The following WDPCP variants were observed in gnomAD, a reference collection of about 807,000 sequenced individuals.
WDPCP encodes the protein WD repeat containing planar cell polarity effector.
In WDPCP, 71 loss-of-function variants were observed where a neutral mutation model predicts 93.1. The ratio of observed to expected loss-of-function variants is 0.76; its 90% CI spans 0.63 to 0.93. The LOEUF (loss-of-function observed/expected upper bound fraction) is 0.93. WDPCP is among the 40% of genes least tolerant of loss of function. The probability of loss-of-function intolerance (pLI) is 0.00; values close to 1 mark genes in which losing one functional copy is unlikely to be tolerated. For synonymous variants in WDPCP, 315 were observed against 315.0 expected, an observed-to-expected ratio of 1.00 and a Z score of 0.00; for missense variants, 844 against 887.4, an observed-to-expected ratio of 0.95 and a Z score of 0.62.
intron 12 of WDPCP, among the ~76,000 whole-genome samples, chr2:63,342,395 G>C (rs983914901): frequency 6.6e-6 from 1 of 152,162 alleles, no homozygotes; most frequent in Admixed American, 6.6e-5. Context: ...TGATAAGAAA[G>C]TACATCTACC....
chr2:63,469,242 T>C (rs974627981), intron 6 of WDPCP, among the ~76,000 whole-genome samples: 2 of 152,168 alleles, frequency 1.3e-5, no homozygotes, highest in African/African-American at 4.8e-5. Flanking sequence ...TTATACACTG[T>C]TGGTGGGGGT....
In WDPCP at chr2:63,120,584, T is replaced by C. The variant is rs1400906965; in HGVS notation, c.*1422A>G. Among the ~76,000 whole-genome samples, 2 of 149,312 alleles carry C rather than the reference T, an allele frequency of 1.3e-5. No homozygotes were observed. The highest frequency in any genetic ancestry group is 4.9e-5 in the African/African-American group (2 of 40,518). ...CTTTGTCACCCAGGCTGGAGCGTAA[T>C]GGTGCGACCTCAGCTCACTGCAGCC... On this transcript the variant is annotated 3_prime_UTR_variant, in exon 18 of 18. Coordinates refer to ENST00000272321, the MANE Select transcript of WDPCP (RefSeq NM_015910.7).
chr2:63,676,020 T>C (rs79414325), intron 2 of WDPCP, among the ~76,000 whole-genome samples: 1,781 of 152,338 alleles, frequency 0.012, 14 homozygotes, highest in Non-Finnish European at 0.014. Flanking sequence ...GGACTAATCT[T>C]TTTTACTTTT....
intron 3 of WDPCP, chr2:63,598,040 T>C (rs1411820535): frequency 2.0e-5 from 3 of 152,294 alleles, no homozygotes. Context: ...TGAGTCAGTA[T>C]GACTTATAGT....
chr2:63,623,804 C>T (rs1709776631), intron 3 of WDPCP, among the ~76,000 whole-genome samples: 1 of 152,156 alleles, frequency 6.6e-6, no homozygotes, highest in South Asian at 2.1e-4. Flanking sequence ...CAAGGATATT[C>T]AGGACTTGAA....
intron 3 of WDPCP, among the ~76,000 whole-genome samples, chr2:63,641,318 C>A (rs1709978029): frequency 6.6e-6 from 1 of 152,092 alleles, no homozygotes; most frequent in Non-Finnish European, 1.5e-5. Flanking sequence ...GATTTCCTTT[C>A]TTTTGAGTAT....
chr2:63,829,367 A>G (rs1007087893), upstream of WDPCP, among the ~76,000 whole-genome samples: 1 of 152,106 alleles, frequency 6.6e-6, no homozygotes, highest in Admixed American at 6.5e-5. Context: ...AACTGTTTTT[A>G]GCTCTTCTGA....
intron 2 of WDPCP, among the ~76,000 whole-genome samples, chr2:63,797,867 C>T (rs1670638913): frequency 6.6e-6 from 1 of 151,982 alleles, no homozygotes; most frequent in Non-Finnish European, 1.5e-5. Context: ...GGAAGACTAG[C>T]TCAAGGCATT....
At chr2:63,310,729 C>A (rs1422353063) in intron 13 of WDPCP, among the ~76,000 whole-genome samples, 1 of 152,108 alleles carries the variant, frequency 6.6e-6, no homozygotes, top group Non-Finnish European at 1.5e-5. Context: ...CATGGTGGCA[C>A]ATGCCTGTAG....
At chr2:63,585,587 A>G (rs948729738) in intron 1 of WDPCP, among the ~76,000 whole-genome samples, 14 of 152,138 alleles carry the variant, frequency 9.2e-5, no homozygotes, top group African/African-American at 3.4e-4. Flanking sequence ...GGTAAAGTAC[A>G]TATTTCTAAA....
intron 1 of WDPCP, among the ~76,000 whole-genome samples, chr2:63,546,562 G>A (rs1705166685): frequency 6.6e-6 from 1 of 152,160 alleles, no homozygotes; most frequent in African/African-American, 2.4e-5. Context: ...TACAGTTACA[G>A]TCCAAATTAT....
intron 17 of WDPCP, among the ~76,000 whole-genome samples, chr2:63,140,812 C>T (rs1671007338): frequency 1.3e-5 from 2 of 152,130 alleles, no homozygotes; most frequent in South Asian, 4.1e-4. Context: ...ATTTCTTTCT[C>T]TTGTCTGATT....
chr2:63,170,750 T>C (rs938440600), intron 15 of WDPCP, among the ~76,000 whole-genome samples: 1 of 152,210 alleles, frequency 6.6e-6, no homozygotes. Context: ...TATGAAACTG[T>C]TCATCTTTTT....
At chr2:63,289,697 T>A (rs1201024487) in intron 13 of WDPCP, among the ~76,000 whole-genome samples, 1 of 152,058 alleles carries the variant, frequency 6.6e-6, no homozygotes, top group Non-Finnish European at 1.5e-5. Context: ...ACATATTTTA[T>A]ATATTCATGA....
chr2:63,654,492 T>C (rs1710142550), intron 2 of WDPCP, among the ~76,000 whole-genome samples: 2 of 152,254 alleles, frequency 1.3e-5, no homozygotes, highest in South Asian at 2.1e-4. Context: ...TGTTGCTGAA[T>C]ATTTGGATGC....
intron 10 of WDPCP, among the ~76,000 whole-genome samples, chr2:63,389,784 CAA>C (rs1693064171): frequency 6.6e-6 from 1 of 151,996 alleles, no homozygotes; most frequent in Non-Finnish European, 1.5e-5. Flanking sequence ...CAACAAAGAT[CAA>C]AAGAGACAAA....
At chr2:63,576,835 G>A (rs1017816095) in intron 1 of WDPCP, among the ~76,000 whole-genome samples, 1 of 151,942 alleles carries the variant, frequency 6.6e-6, no homozygotes, top group Admixed American at 6.6e-5. Flanking sequence ...AGGAACCAGG[G>A]GCAGAGACCA....
chr2:63,357,680 C>CTGTGGAA (rs1399245518), intron 12 of WDPCP, among the ~76,000 whole-genome samples: 2 of 152,082 alleles, frequency 1.3e-5, no homozygotes, highest in Non-Finnish European at 2.9e-5. Flanking sequence ...TAGTCAACCA[C>CTGTGGAA]TGTGGAAAGC....
rs1681435290 is a variant in WDPCP at position 63,259,507 on chromosome 2, T to C, written c.1813-98A>G. 5.2e-6 allele frequency: 5 copies of C among 960,364 alleles called. No individual in the cohort carries two copies. In the South Asian group the frequency reaches 6.9e-5, roughly 13 times the overall value. 59.5% of individuals were successfully genotyped at this position (960,364 alleles called of 1,614,324 possible). On this transcript the variant is annotated intron_variant, in intron 13 of 17. Coordinates refer to ENST00000272321, the MANE Select transcript of WDPCP (RefSeq NM_015910.7). ...GAAACTTATTGTCCAGATTACAAAA[T>C]AGAAACAGTTTGTAAATATTCTTTT...
Sources: gnomAD v4.1 joint callset for allele counts (sites outside exome capture counted in the v4.1 genomes callset) on GRCh38, gnomAD v4.1.1 for gene constraint, MANE v1.5 for transcripts, NCBI Gene and HGNC (gene_info 2026-07-23, HGNC 2026-07-21) for gene names.